FUT8: variants seen among roughly 807,000 people sequenced by gnomAD.
FUT8 encodes alpha-(1,6)-fucosyltransferase.
In FUT8, 29 loss-of-function variants were observed where a neutral mutation model predicts 71.3. The ratio of observed to expected loss-of-function variants is 0.41; its 90% CI spans 0.30 to 0.55. The LOEUF (loss-of-function observed/expected upper bound fraction) is 0.55. Among genes scored for constraint, FUT8 ranks in the 20% least tolerant of loss-of-function variants. The pLI, the probability that FUT8 is intolerant of heterozygous loss-of-function variation, is 0.34. For synonymous variants in FUT8, 254 were observed against 239.3 expected (o/e 1.06, Z -0.57); for missense variants, 544 against 702.1 (o/e 0.77, Z 2.55).
At chr14:65,629,224 TTGTC>T (rs553704320) in intron 5 of FUT8, among the ~76,000 whole-genome samples, 127 of 152,370 alleles carry the variant, frequency 8.3e-4, no homozygotes, top group Non-Finnish European at 1.4e-3. Flanking sequence ...TTGTAGTGCT[TTGTC>T]TGTGTTGAGA....
upstream of FUT8, chr14:65,412,392 T>C (rs753309800): frequency 1.1e-5 from 5 of 453,542 alleles, no homozygotes; most frequent in South Asian, 7.8e-5. Flanking sequence ...CCCGGCGCTG[T>C]AGGGAGCACA....
At chr14:65,377,739 GC>G in the FUT8 span, among the ~76,000 whole-genome samples, 7 of 152,032 alleles carry the variant, frequency 4.6e-5, no homozygotes. Flanking sequence ...TGAGGATGTT[GC>G]AAACTCTCAA....
chr14:65,712,017 TTACAAG>T (rs1346602047), intron 7 of FUT8, among the ~76,000 whole-genome samples: 1 of 152,242 alleles, frequency 6.6e-6, no homozygotes, highest in Non-Finnish European at 1.5e-5. Flanking sequence ...GGTTTATTCT[TTACAAG>T]TACATTATTT....
chr14:65,365,860 C>A, the FUT8 span, among the ~76,000 whole-genome samples: 1 of 151,204 alleles, frequency 6.6e-6, no homozygotes, highest in South Asian at 2.1e-4. Context: ...TTTTTTGAGA[C>A]AGAGTCTTGT....
At chr14:65,578,776 G>A (rs957549680) in intron 3 of FUT8, among the ~76,000 whole-genome samples, 1 of 152,146 alleles carries the variant, frequency 6.6e-6, no homozygotes, top group Non-Finnish European at 1.5e-5. Flanking sequence ...ATATGTATTA[G>A]AGCTAGCCTG....
At chr14:65,667,688 A>G (rs1289002573) in intron 6 of FUT8, among the ~76,000 whole-genome samples, 1 of 152,120 alleles carries the variant, frequency 6.6e-6, no homozygotes, top group Non-Finnish European at 1.5e-5. Flanking sequence ...AAATTCATAC[A>G]GAATCAGAAA....
At chr14:65,580,620 G>C (rs1887040589) in intron 3 of FUT8, among the ~76,000 whole-genome samples, 1 of 151,946 alleles carries the variant, frequency 6.6e-6, no homozygotes, top group African/African-American at 2.4e-5. Context: ...ATAGGTATTG[G>C]TAGCTTCCAA....
intron 2 of FUT8, among the ~76,000 whole-genome samples, chr14:65,477,897 G>A (rs1179116099): frequency 1.3e-5 from 2 of 151,576 alleles, no homozygotes; most frequent in Non-Finnish European, 2.9e-5. Context: ...AGTTCTAGGT[G>A]TAAAAAGCAT....
At chr14:65,625,833 T>G (rs1025413464) in intron 5 of FUT8, among the ~76,000 whole-genome samples, 1 of 152,256 alleles carries the variant, frequency 6.6e-6, no homozygotes, top group African/African-American at 2.4e-5. Flanking sequence ...TTATCACGTA[T>G]TCTCTGTTAA....
chr14:65,538,030 C>T (rs1884443109), intron 2 of FUT8, among the ~76,000 whole-genome samples: 1 of 152,150 alleles, frequency 6.6e-6, no homozygotes, highest in African/African-American at 2.4e-5. Context: ...GTGCTGGCCT[C>T]CCTGCAGGCA....
At chr14:65,523,149 G>A (rs1301361968) in intron 2 of FUT8, among the ~76,000 whole-genome samples, 9 of 152,120 alleles carry the variant, frequency 5.9e-5, no homozygotes, top group African/African-American at 1.4e-4. Flanking sequence ...GAATCACCAC[G>A]CTGTCTTCCA....
chr14:65,662,100 A>T (rs1891994979), intron 6 of FUT8, among the ~76,000 whole-genome samples: 1 of 152,160 alleles, frequency 6.6e-6, no homozygotes, highest in Non-Finnish European at 1.5e-5. Flanking sequence ...TGTCAGATGA[A>T]ATGCCTCAGA....
rs928006064 is a variant in FUT8, at chr14:65,472,680, A to G, written c.-228+16962A>G. ...TGCTGAGGATGGTTATTAAAGCCCT[A>G]TGCTGATACTTTGGATTTATGGAAC... On this transcript the variant is annotated intron_variant, in intron 2 of 10. Coordinates refer to ENST00000673929, the MANE Select transcript of FUT8 (RefSeq NM_001371533.1). This position sits in a 1 kb window ranked among gnomAD's most constrained non-coding sequence, Gnocchi z 4.4. Among the ~76,000 whole-genome samples, 1 of 152,146 alleles carries G rather than the reference A, an allele frequency of 6.6e-6. No homozygotes were observed. The highest frequency in any genetic ancestry group is 2.4e-5 in the African/African-American group (1 of 41,440).
intron 6 of FUT8, among the ~76,000 whole-genome samples, chr14:65,659,479 T>C (rs1891856232): frequency 6.6e-6 from 1 of 152,174 alleles, no homozygotes; most frequent in African/African-American, 2.4e-5. Context: ...CTCTGACTTT[T>C]ATTTAAAACG....
At chr14:65,738,269 A>G (rs1333229128) in intron 10 of FUT8, among the ~76,000 whole-genome samples, 1 of 152,096 alleles carries the variant, frequency 6.6e-6, no homozygotes, top group Non-Finnish European at 1.5e-5. Context: ...AGCCACTTCC[A>G]ACTTCTCACA....
chr14:65,503,343 A>T (rs571467687), intron 2 of FUT8, among the ~76,000 whole-genome samples: 19 of 152,258 alleles, frequency 1.2e-4, no homozygotes, highest in African/African-American at 4.3e-4. Flanking sequence ...AGCCATTGTT[A>T]CTCTTATTTA....
chr14:65,716,260 G>A (rs1270927693), intron 7 of FUT8, among the ~76,000 whole-genome samples: 4 of 151,926 alleles, frequency 2.6e-5, no homozygotes, highest in East Asian at 1.9e-4. Flanking sequence ...TACCTCTCTC[G>A]TTAGCTGTAA....
At chr14:65,396,193 G>A in the FUT8 span, among the ~76,000 whole-genome samples, 1 of 152,148 alleles carries the variant, frequency 6.6e-6, no homozygotes, top group Admixed American at 6.6e-5. This position sits in a 1 kb window ranked among gnomAD's most constrained non-coding sequence, Gnocchi z 5.5. Context: ...CTTCTTCTGA[G>A]CCCTCCAAAC....
At chr14:65,542,076 G>A (rs8003093) in intron 2 of FUT8, among the ~76,000 whole-genome samples, 9,963 of 152,230 alleles carry the variant, frequency 0.065, 376 homozygotes, top group Admixed American at 0.11. Flanking sequence ...TACCTACGTC[G>A]TAAGGGTATT....
Sources: allele counts gnomAD v4.1 joint callset (sites outside exome capture counted in the v4.1 genomes callset), GRCh38; gene constraint gnomAD v4.1.1; non-coding constraint Gnocchi (gnomAD v3.1); transcripts MANE v1.5; gene names NCBI Gene and HGNC (gene_info 2026-07-23, HGNC 2026-07-21).